ZNF556: variants seen among roughly 807,000 people sequenced by gnomAD.
ZNF556 encodes zinc finger protein 556.
A neutral mutation model predicts 13.6 loss-of-function variants in ZNF556; 11 were observed. That is an observed-to-expected ratio of 0.81 (90% CI 0.51 to 1.33). The LOEUF (loss-of-function observed/expected upper bound fraction) is 1.33. ZNF556 is among the 40% of genes most tolerant of loss of function. ZNF556 has a pLI of 0.00. For missense variants in ZNF556, 633 were observed against 566.2 expected (o/e 1.12, Z -1.20); for synonymous variants, 229 against 207.8 (o/e 1.10, Z -0.88).
chr19:2,878,385 G>C lies in ZNF556; in HGVS notation c.*56G>C. On this transcript the variant is annotated 3_prime_UTR_variant, in exon 4 of 4. Coordinates refer to ENST00000307635, the MANE Select transcript of ZNF556 (RefSeq NM_024967.3). ...TACATGGTTCAGAAAATTCACAGCAGGAGGGCCGGGCGCAGTGGCTCACGC... is the reference window on the plus strand; with the variant it reads ...TACATGGTTCAGAAAATTCACAGCACGAGGGCCGGGCGCAGTGGCTCACGC... 1 of 1,565,274 alleles carries C rather than the reference G, an allele frequency of 6.4e-7. No individual in the cohort carries two copies. The highest frequency in any genetic ancestry group is 8.7e-7 in the Non-Finnish European group (1 of 1,153,040).
Position 2,881,558 on chromosome 19 carries a change from CA to C in ZNF556, c.*3231del, listed in dbSNP as rs2087904797. On this transcript the variant is annotated 3_prime_UTR_variant, in exon 4 of 4. Coordinates refer to ENST00000307635, the MANE Select transcript of ZNF556 (RefSeq NM_024967.3). ...CGCCACTGCACTCCAGCCTGGGCGA[CA>C]AGAGTAAGACTCCATCTCAAAAAAA... is the stretch of plus-strand genomic sequence containing the variant. 1.4e-5 allele frequency: 2 copies of C among 147,444 alleles called. No homozygotes were observed. The highest frequency in any genetic ancestry group is 2.5e-5 in the African/African-American group (1 of 39,710). 9.1% of individuals were successfully genotyped at this position (147,444 alleles called of 1,614,324 possible). A position where few individuals can be genotyped will look rare whatever the true frequency, so the allele number is the denominator to read the frequency against.
rs1568356491 is a variant in ZNF556 at position 2,881,590 on chromosome 19, A to AC, written c.*3261_*3262insC. On this transcript the variant is annotated 3_prime_UTR_variant, in exon 4 of 4. Coordinates refer to ENST00000307635, the MANE Select transcript of ZNF556 (RefSeq NM_024967.3). ...AAGACTCCATCTCAAAAAAAAAAAA[A>AC]TTTTTTTTTTGGATAATATCAAGGC... is the stretch of plus-strand genomic sequence containing the variant. 6.7e-6 allele frequency: 1 copy of AC among 148,312 alleles called. No homozygotes were observed. The highest frequency in any genetic ancestry group is 2.5e-5 in the African/African-American group (1 of 39,272). The allele number at this position is 148,312 out of a possible 1,614,324, so 9.2% of individuals were successfully genotyped here. A position where few individuals can be genotyped will look rare whatever the true frequency, so the allele number is the denominator to read the frequency against.
Position 2,878,808 on chromosome 19 carries a change from G to C in ZNF556, c.*479G>C. ...GCAGTTCTCTTGCAGGTAAAGTTGA[G>C]GGGAGAATCCTGTAAGTCCTCTCTC... is the stretch of plus-strand genomic sequence containing the variant. On this transcript the variant is annotated 3_prime_UTR_variant, in exon 4 of 4. Transcript: ENST00000307635. The C allele has an allele frequency of 6.4e-6, 1 of 155,614 alleles. No individual in the cohort carries two copies. The highest frequency in any genetic ancestry group is 1.4e-5 in the Non-Finnish European group (1 of 70,100). 9.6% of individuals were successfully genotyped at this position (155,614 alleles called of 1,614,324 possible).
intron 1 of ZNF556, among the ~76,000 whole-genome samples, chr19:2,872,624 C>T (rs924346812): frequency 1.3e-5 from 2 of 151,972 alleles, no homozygotes; most frequent in Non-Finnish European, 2.9e-5. Context: ...TATACTGGAA[C>T]AGCTCATGTC....
rs2087850311 is a variant in ZNF556, at chr19:2,876,223, T to C, written c.261T>C (p.Asn87=). The part of the protein sequence containing the change: ...KNIWASLLGK[N]WEEHSVKDKH... ...TATGGGCCTCCCTTTTAGGAAAAAA[T>C]TGGGAAGAACATAGCGTTAAAGACA... Residue 87 remains asparagine (N), a synonymous_variant, in exon 3 of 4, where the codon AAT becomes AAC. Coordinates refer to ENST00000307635, the MANE Select transcript of ZNF556 (RefSeq NM_024967.3). The C allele has an allele frequency of 5.0e-6, 8 of 1,608,938 alleles. No individual in the cohort carries two copies. The highest frequency in any genetic ancestry group is 6.8e-6 in the Non-Finnish European group (8 of 1,178,456).
rs939926995 is a variant in ZNF556 at position 2,882,034 on chromosome 19, C to A, written c.*3705C>A. 2.0e-5 allele frequency: 3 copies of A among 152,114 alleles called. No homozygotes were observed. Among genetic ancestry groups the A allele is most frequent in the Non-Finnish European group, 4.4e-5 (3 of 68,050 alleles). 9.4% of individuals were successfully genotyped at this position (152,114 alleles called of 1,614,324 possible). ...GCTGAGGGTGGAGGATGGCTTGAGA[C>A]CAAGAGGTCCAGGCTGCAATGAGTT... On this transcript the variant is annotated 3_prime_UTR_variant, in exon 4 of 4. Transcript: ENST00000307635.
At position 2,877,865 on chromosome 19, in the gene ZNF556, C is replaced by G; in HGVS notation, c.907C>G (p.Gln303Glu). The G allele has an allele frequency of 6.2e-7, 1 of 1,614,202 alleles. No individual in the cohort carries two copies. Among genetic ancestry groups the G allele is most frequent in the African/African-American group, 1.3e-5 (1 of 75,066 alleles). ...AGCCTACTGCTGGGCAACATCCTTT[C>G]AACGACACGTGAGAATTCACAACGG... ...GKAYCWATSF[Q>E]RHVRIHNGEK... The change falls in exon 4 of 4, where the codon CAA becomes GAA. Residue 303 changes from glutamine (Q) to glutamate (E), a missense_variant. By Grantham distance (29) the Gln-to-Glu change is conservative. Coordinates refer to ENST00000307635, the MANE Select transcript of ZNF556 (RefSeq NM_024967.3).
In ZNF556 at chr19:2,873,518, T is replaced by C. The variant is rs140725670; in HGVS notation, c.26T>C (p.Val9Ala). 1.9e-6 allele frequency: 3 copies of C among 1,614,016 alleles called. No individual in the cohort carries two copies. Among genetic ancestry groups the C allele is most frequent in the African/African-American group, 2.7e-5 (2 of 74,924 alleles). ...TAGGACACAGTGGTCTTTGAAGACG[T>C]GGTTGTGGATTTCACGCTGGAGGAG... MDTVVFED[V>A]VVDFTLEEWA... The change falls in exon 2 of 4, where the codon GTG (valine) becomes GCG (alanine). Residue 9 changes from valine to alanine, a missense_variant. By Grantham distance (64) the Val-to-Ala change is moderately conservative. Transcript: ENST00000307635.
chr19:2,878,301 C>A lies in ZNF556; in HGVS notation c.1343C>A (p.Thr448Lys). The change falls in exon 4 of 4, where the codon ACA becomes AAA. Residue 448 changes from threonine to lysine, a missense_variant. Coordinates refer to ENST00000307635, the MANE Select transcript of ZNF556 (RefSeq NM_024967.3). ...KAFQGHVRSH[T>K]GKKSCTSK ...TTTCAAGGTCATGTGAGAAGTCACA[C>A]AGGAAAGAAATCCTGTACATCTAAG... The A allele has an allele frequency of 6.2e-7, 1 of 1,613,908 alleles. No homozygotes were observed. Among genetic ancestry groups the A allele is most frequent in the Non-Finnish European group, 8.5e-7 (1 of 1,179,948 alleles).
chr19:2,868,720 A>AGT (rs2087777594), intron 1 of ZNF556, among the ~76,000 whole-genome samples: 1 of 80,524 alleles, frequency 1.2e-5, no homozygotes, highest in Non-Finnish European at 2.4e-5. Flanking sequence ...ATGACTAGCT[A>AGT]ATTTTTTTTT....
At chr19:2,876,824 C>T (rs763862278) in intron 3 of ZNF556, among the ~76,000 whole-genome samples, 4 of 152,050 alleles carry the variant, frequency 2.6e-5, no homozygotes, top group Non-Finnish European at 4.4e-5. Flanking sequence ...CAGAGTATTT[C>T]GTTTATTCTA....
chr19:2,873,627 G>A lies in ZNF556; in HGVS notation c.130+5G>A. On this transcript the variant is annotated splice_donor_5th_base_variant and intron_variant, in intron 2 of 3. Coordinates refer to ENST00000307635, the MANE Select transcript of ZNF556 (RefSeq NM_024967.3). ...TCAAGCACCTGGCCTCAGTAGGTGA[G>A]GATAGCATTATTTCTGCACTTAGTT... The A allele has an allele frequency of 6.2e-7, 1 of 1,612,156 alleles. No individual in the cohort carries two copies. Among genetic ancestry groups the A allele is most frequent in the Non-Finnish European group, 8.5e-7 (1 of 1,178,530 alleles).
At chr19:2,876,988 G>A (rs907341070) in intron 3 of ZNF556, among the ~76,000 whole-genome samples, 3 of 152,024 alleles carry the variant, frequency 2.0e-5, no homozygotes, top group Admixed American at 6.6e-5. Context: ...CAAGGTAGGT[G>A]GGTCACCTGT....
At position 2,877,708 on chromosome 19, in the gene ZNF556, G is replaced by C. The variant is rs769992753; in HGVS notation, c.750G>C (p.Val250=). 48 of 1,613,990 alleles carry C rather than the reference G, an allele frequency of 3.0e-5. No homozygotes were observed. The Admixed American group carries it at 4.3e-4, about 15-fold the overall frequency. ...FSCPKSFRAH[V]MMHAGGRPYE... is the part of the protein sequence containing the mutation. ...GTCCCAAATCCTTTCGCGCACATGT[G>C]ATGATGCACGCCGGAGGGAGACCGT... is the stretch of plus-strand genomic sequence containing the variant. Residue 250 remains valine (V), a synonymous_variant, in exon 4 of 4, where the codon GTG becomes GTC. Transcript: ENST00000307635.
chr19:2,874,476 G>A (rs1235080652), intron 2 of ZNF556, among the ~76,000 whole-genome samples: 2 of 151,996 alleles, frequency 1.3e-5, no homozygotes, highest in Non-Finnish European at 2.9e-5. Flanking sequence ...CAGGCGCGGT[G>A]GCTCATGCCT....
chr19:2,876,067 C>G lies in ZNF556; in HGVS notation c.131-26C>G, dbSNP rs749459899. On this transcript the variant is annotated intron_variant, in intron 2 of 3. Coordinates refer to ENST00000307635, the MANE Select transcript of ZNF556 (RefSeq NM_024967.3). The stretch of plus-strand genomic sequence containing the variant: ...CTTTCTTTGCAGATGCCTTCCTCAT[C>G]ATATTGGTTCACTTTTTTGTTTCAG... 9 of 1,585,538 alleles carry G rather than the reference C, an allele frequency of 5.7e-6. No homozygotes were observed. The African/African-American group carries it at 1.1e-4, about 19-fold the overall frequency.
chr19:2,883,001 C>A lies in ZNF556; in HGVS notation c.*4672C>A, dbSNP rs1001253990. ...TATATTTGGCATTGTCACTTTGCTG[C>A]CCCTACACACTGATGGAAAAATTGT... On this transcript the variant is annotated 3_prime_UTR_variant, in exon 4 of 4. Transcript: ENST00000307635. 3 of 152,176 alleles carry A rather than the reference C, an allele frequency of 2.0e-5. No homozygotes were observed. The highest frequency in any genetic ancestry group is 7.2e-5 in the African/African-American group (3 of 41,448). 9.4% of individuals were successfully genotyped at this position (152,176 alleles called of 1,614,324 possible). A position where few individuals can be genotyped will look rare whatever the true frequency, so the allele number is the denominator to read the frequency against.
intron 3 of ZNF556, among the ~76,000 whole-genome samples, chr19:2,876,670 G>C (rs539893317): frequency 6.6e-6 from 1 of 151,766 alleles, no homozygotes; most frequent in South Asian, 2.1e-4. Flanking sequence ...AGCCAAGATC[G>C]TGCCACTGCA....
intron 3 of ZNF556, among the ~76,000 whole-genome samples, chr19:2,876,757 C>T (rs1163688352): frequency 6.6e-6 from 1 of 151,944 alleles, no homozygotes; most frequent in African/African-American, 2.4e-5. Context: ...AAACAATTAT[C>T]AGAGAGCCCC....
Sources: allele counts gnomAD v4.1 joint callset (sites outside exome capture counted in the v4.1 genomes callset), GRCh38; gene constraint gnomAD v4.1.1; transcripts MANE v1.5; gene names NCBI Gene and HGNC (gene_info 2026-07-23, HGNC 2026-07-21).